The following SEMA3A variants were observed in gnomAD, a reference collection of about 807,000 sequenced individuals.
SEMA3A encodes the protein semaphorin-3A.
In SEMA3A, 29 loss-of-function variants were observed where a neutral mutation model predicts 97.9. That is an observed-to-expected ratio of 0.30 (90% CI 0.22 to 0.40). SEMA3A has a LOEUF of 0.40. SEMA3A is among the 10% of genes least tolerant of loss of function. The pLI is 1.00. For synonymous variants in SEMA3A, 321 were observed against 323.7 expected, an observed-to-expected ratio of 0.99 and a Z score of 0.09; for missense variants, 763 against 951.3, an observed-to-expected ratio of 0.80 and a Z score of 2.60.
At chr7:84,052,002 C>T (rs1463742746) in intron 5 of SEMA3A, among the ~76,000 whole-genome samples, 2 of 151,376 alleles carry the variant, frequency 1.3e-5, no homozygotes, top group African/African-American at 4.8e-5. Flanking sequence ...TGTTTATATG[C>T]TGGATTACAT....
chr7:83,990,144 C>G (rs1002041516), intron 12 of SEMA3A, among the ~76,000 whole-genome samples: 29 of 151,406 alleles, frequency 1.9e-4, no homozygotes, highest in South Asian at 8.4e-4. Flanking sequence ...TCATGTCCTT[C>G]GCCCACTTTT....
Position 84,208,279 on chromosome 7 carries a change from C to T in SEMA3A, c.-82-13611G>A, listed in dbSNP as rs188519601. On this transcript the variant is annotated intron_variant, in intron 3 of 3. Transcript: ENST00000424555. Reference sequence around the variant, plus strand: ...CATCCTGGCTAACATGGTGAAACCCCGCCTCTACTAAAAATACAAAAAATT... The same window carrying T: ...CATCCTGGCTAACATGGTGAAACCCTGCCTCTACTAAAAATACAAAAAATT... Among the ~76,000 whole-genome samples, 156 of 152,044 alleles carry T rather than the reference C, an allele frequency of 1.0e-3. 2 individuals carry two copies. The East Asian group carries it at 0.025, about 24-fold the overall frequency.
At chr7:84,109,742 A>G (rs1453898400) in intron 4 of SEMA3A, among the ~76,000 whole-genome samples, 1 of 152,180 alleles carries the variant, frequency 6.6e-6, no homozygotes, top group Non-Finnish European at 1.5e-5. Context: ...TTTTCTCACC[A>G]CGTGAACACT....
chr7:84,396,261 T>C (rs949712948), intron 1 of SEMA3A, among the ~76,000 whole-genome samples: 2 of 151,870 alleles, frequency 1.3e-5, no homozygotes, highest in Non-Finnish European at 2.9e-5. Context: ...GTCAACATTT[T>C]ATCCTGGAAA....
chr7:83,962,036 G>T (rs563509511), intron 16 of SEMA3A, among the ~76,000 whole-genome samples: 2 of 151,936 alleles, frequency 1.3e-5, no homozygotes, highest in South Asian at 2.1e-4. Flanking sequence ...GGAAAGTATT[G>T]GTTATATTAC....
At chr7:84,113,704 C>A (rs1019819879) in intron 3 of SEMA3A, among the ~76,000 whole-genome samples, 1 of 152,152 alleles carries the variant, frequency 6.6e-6, no homozygotes, top group Non-Finnish European at 1.5e-5. Context: ...AGTTTAGCAA[C>A]AAGTTGGCAG....
chr7:84,357,573 G>A (rs931936667), intron 2 of SEMA3A, among the ~76,000 whole-genome samples: 4 of 152,098 alleles, frequency 2.6e-5, no homozygotes, highest in Non-Finnish European at 5.9e-5. Context: ...GTTTGCTATT[G>A]TGAATAGTGC....
intron 1 of SEMA3A, among the ~76,000 whole-genome samples, chr7:84,375,453 G>A (rs532802563): frequency 4.7e-4 from 72 of 152,234 alleles, no homozygotes; most frequent in African/African-American, 1.7e-3. Flanking sequence ...ATCTTCTTCA[G>A]TATCAGGGTT....
chr7:84,066,035 A>T (rs1200512363), intron 4 of SEMA3A, among the ~76,000 whole-genome samples: 1 of 151,552 alleles, frequency 6.6e-6, no homozygotes, highest in Admixed American at 6.6e-5. Flanking sequence ...AATACTGGCA[A>T]ACCGAATCCA....
chr7:84,101,139 C>G (rs562301112), intron 4 of SEMA3A, among the ~76,000 whole-genome samples: 6 of 152,104 alleles, frequency 3.9e-5, no homozygotes, highest in Non-Finnish European at 8.8e-5. Context: ...AGTACAAACA[C>G]ATCTTAGCAA....
chr7:83,971,844 A>C (rs575231847), intron 15 of SEMA3A, among the ~76,000 whole-genome samples: 1 of 152,298 alleles, frequency 6.6e-6, no homozygotes, highest in East Asian at 1.9e-4. Context: ...ACTTTGTTTT[A>C]TGCCCTAAAT....
At chr7:84,352,590 T>A (rs2116030745) in intron 2 of SEMA3A, among the ~76,000 whole-genome samples, 1 of 151,920 alleles carries the variant, frequency 6.6e-6, no homozygotes, top group East Asian at 1.9e-4. Context: ...TAGAACTATT[T>A]CTAGAATGAA....
chr7:84,063,299 T>C lies in SEMA3A; in HGVS notation c.454-2741A>G, dbSNP rs1002056238. ...ACCATCATTGAGGACCAAAAGTAGA[T>C]AAAACCACAAAGATGGGGAAAAAAC... On this transcript the variant is annotated intron_variant, in intron 4 of 16. Transcript: ENST00000265362. Among the ~76,000 whole-genome samples the C allele has an allele frequency of 7.4e-5, 11 of 149,498 alleles. 1 individual carries two copies. The highest frequency in any genetic ancestry group is 2.7e-4 in the African/African-American group (11 of 40,468).
chr7:84,357,868 G>A (rs567009832), intron 2 of SEMA3A, among the ~76,000 whole-genome samples: 1 of 152,052 alleles, frequency 6.6e-6, no homozygotes, highest in Admixed American at 6.6e-5. Flanking sequence ...GTTTTGATTT[G>A]CATTTCTCTG....
chr7:83,986,136 C>A (rs2116331608), intron 12 of SEMA3A, among the ~76,000 whole-genome samples: 1 of 152,192 alleles, frequency 6.6e-6, no homozygotes, highest in Admixed American at 6.6e-5. Flanking sequence ...TTGTTCTGTT[C>A]AACTGGAGAA....
rs563211152 is a variant in SEMA3A at position 84,467,136 on chromosome 7, A to G, written c.-246+25324T>C. Among the ~76,000 whole-genome samples the G allele has an allele frequency of 2.6e-5, 4 of 152,266 alleles. No individual in the cohort carries two copies. The East Asian group carries it at 5.8e-4, about 22-fold the overall frequency. ...AGCACAACCCCATAAGAGAAAAAAAACCTAATCATCTTTATGCACTTGTGG... is the reference window on the plus strand; with the variant it reads ...AGCACAACCCCATAAGAGAAAAAAAGCCTAATCATCTTTATGCACTTGTGG... On this transcript the variant is annotated intron_variant, in intron 1 of 3. Transcript: ENST00000424555.
chr7:83,970,469 A>G (rs1467271319), intron 15 of SEMA3A, among the ~76,000 whole-genome samples: 1 of 152,150 alleles, frequency 6.6e-6, no homozygotes, highest in Non-Finnish European at 1.5e-5. Flanking sequence ...TTCACTCTCC[A>G]TTTTAACCCC....
chr7:84,488,317 TACACAC>T (rs67659986), intron 1 of SEMA3A, among the ~76,000 whole-genome samples: 44 of 145,668 alleles, frequency 3.0e-4, no homozygotes, highest in South Asian at 1.3e-3. Context: ...TCTTCGTATA[TACACAC>T]ACACACACAC....
intron 3 of SEMA3A, among the ~76,000 whole-genome samples, chr7:84,203,546 T>TC (rs1554345527): frequency 7.6e-6 from 1 of 131,522 alleles, no homozygotes; most frequent in African/African-American, 2.8e-5. Flanking sequence ...TTTTTTTTTT[T>TC]CTGAGATAGA....
Sources: gnomAD v4.1 joint callset for allele counts (sites outside exome capture counted in the v4.1 genomes callset) on GRCh38, gnomAD v4.1.1 for gene constraint, MANE v1.5 for transcripts, NCBI Gene and HGNC (gene_info 2026-07-23, HGNC 2026-07-21) for gene names.